INPP5A: variants seen among roughly 807,000 people sequenced by gnomAD.
INPP5A encodes the protein 43 kDa inositol polyphosphate 5-phophatase.
INPP5A carries 14 observed loss-of-function variants against 65.2 expected under a neutral mutation model. That is an observed-to-expected ratio of 0.21 (90% CI 0.14 to 0.34). The LOEUF (loss-of-function observed/expected upper bound fraction) is 0.34, where lower values mean the gene tolerates loss of function less well. Among genes scored for constraint, INPP5A ranks in the 10% least tolerant of loss-of-function variants. INPP5A has a pLI of 1.00. For missense variants in INPP5A, 431 were observed against 545.6 expected (o/e 0.79, Z 2.09); for synonymous variants, 207 against 208.3 (o/e 0.99, Z 0.05).
intron 6 of INPP5A, among the ~76,000 whole-genome samples, chr10:132,703,024 A>G (rs1845461530): frequency 6.6e-6 from 1 of 152,044 alleles, no homozygotes; most frequent in Non-Finnish European, 1.5e-5. Flanking sequence ...GAGCCCACAC[A>G]CCGGGGTTGG....
intron 9 of INPP5A, among the ~76,000 whole-genome samples, chr10:132,730,412 G>A (rs530164059): frequency 2.5e-4 from 38 of 152,356 alleles, no homozygotes; most frequent in African/African-American, 7.5e-4. Flanking sequence ...TGGGCAGCGC[G>A]GGAGGGGGCG....
intron 3 of INPP5A, among the ~76,000 whole-genome samples, chr10:132,646,760 ACTCTGTGGGCCGACGCCGCTGCCACG>A (rs1189211056): frequency 3.8e-4 from 58 of 152,016 alleles, no homozygotes; most frequent in East Asian, 2.1e-3. Flanking sequence ...AAGCTGCCAC[ACTCTGTGGGCCGACGCCGCTGCCACG>A]CTCTGTGGGC....
intron 6 of INPP5A, among the ~76,000 whole-genome samples, chr10:132,702,738 G>A (rs1258984934): frequency 1.3e-5 from 2 of 152,200 alleles, no homozygotes; most frequent in Non-Finnish European, 2.9e-5. Context: ...CACATGCCAC[G>A]GAGCACCTCT....
Position 132,682,726 on chromosome 10 carries a change from G to A in INPP5A, c.307-7666G>A, listed in dbSNP as rs115627814. Reference sequence around the variant, plus strand: ...TGTAAACTGTGTGTTATCCTATGTGGAAGGCACGTGTCTGCCATGACCCAG... The same window carrying A: ...TGTAAACTGTGTGTTATCCTATGTGAAAGGCACGTGTCTGCCATGACCCAG... On this transcript the variant is annotated intron_variant, in intron 4 of 15. Coordinates refer to ENST00000368594, the MANE Select transcript of INPP5A (RefSeq NM_005539.5). 2.8e-3 allele frequency among the ~76,000 whole-genome samples: 428 copies of A among 152,350 alleles called. 2 individuals are homozygous for A. The highest frequency in any genetic ancestry group is 0.01 in the African/African-American group (417 of 41,586).
chr10:132,712,453 G>T (rs1845657926), intron 8 of INPP5A, among the ~76,000 whole-genome samples: 1 of 151,682 alleles, frequency 6.6e-6, no homozygotes, highest in African/African-American at 2.4e-5. Flanking sequence ...GTGTGTGTGG[G>T]TGCATGTGTG....
chr10:132,596,907 ATG>A (rs1564928887), intron 1 of INPP5A, among the ~76,000 whole-genome samples: 81 of 57,974 alleles, frequency 1.4e-3, no homozygotes, highest in African/African-American at 3.4e-3. Flanking sequence ...GCTCCTGTGC[ATG>A]TGTGCATGTG....
chr10:132,730,199 C>G (rs936521341), intron 9 of INPP5A, among the ~76,000 whole-genome samples: 1 of 152,270 alleles, frequency 6.6e-6, no homozygotes, highest in Non-Finnish European at 1.5e-5. Context: ...GCGGGGCCCT[C>G]CCCACCACCT....
intron 4 of INPP5A, among the ~76,000 whole-genome samples, chr10:132,679,300 G>T (rs2073011488): frequency 6.6e-6 from 1 of 152,236 alleles, no homozygotes; most frequent in Non-Finnish European, 1.5e-5. Context: ...GTGGTTTCCA[G>T]TGGGAGCTGG....
chr10:132,638,781 T>C (rs1240864500), intron 2 of INPP5A, among the ~76,000 whole-genome samples: 2 of 152,130 alleles, frequency 1.3e-5, no homozygotes, highest in Non-Finnish European at 2.9e-5. Context: ...TTGGCCAGGC[T>C]GGTCTCGAAC....
chr10:132,694,922 A>G (rs2134494417), intron 5 of INPP5A, among the ~76,000 whole-genome samples: 1 of 152,350 alleles, frequency 6.6e-6, no homozygotes, highest in Non-Finnish European at 1.5e-5. Flanking sequence ...AAAGCATCAG[A>G]CCAAATGGTT....
At chr10:132,642,907 G>C (rs1164293626) in intron 2 of INPP5A, among the ~76,000 whole-genome samples, 1 of 152,160 alleles carries the variant, frequency 6.6e-6, no homozygotes, top group African/African-American at 2.4e-5. Flanking sequence ...TTGCCAGCTT[G>C]GGGAAACTGA....
chr10:132,742,858 T>C (rs572760703), intron 9 of INPP5A, among the ~76,000 whole-genome samples: 2 of 152,344 alleles, frequency 1.3e-5, no homozygotes, highest in African/African-American at 4.8e-5. Flanking sequence ...TGGCCCTTTA[T>C]TTAACCGCTG....
intron 4 of INPP5A, among the ~76,000 whole-genome samples, chr10:132,660,561 G>T (rs149249665): frequency 6.6e-6 from 1 of 152,214 alleles, no homozygotes; most frequent in African/African-American, 2.4e-5. Flanking sequence ...GATCTGGTGC[G>T]GTGAGGCACC....
rs116645121 is a variant in INPP5A at position 132,696,262 on chromosome 10, A to G, written c.371-1554A>G. On this transcript the variant is annotated intron_variant, in intron 5 of 15. Coordinates refer to ENST00000368594, the MANE Select transcript of INPP5A (RefSeq NM_005539.5). ...ACTGTCAAGGGCTCAGCTCTTCCCA[A>G]CTTCAGCTATAGATTCAACACAACC... Among the ~76,000 whole-genome samples the G allele has an allele frequency of 4.4e-3, 672 of 152,330 alleles. 3 individuals are homozygous for G. Among genetic ancestry groups the G allele is most frequent in the African/African-American group, 0.015 (644 of 41,584 alleles).
intron 11 of INPP5A, among the ~76,000 whole-genome samples, chr10:132,750,319 C>T (rs999823684): frequency 1.3e-5 from 2 of 152,186 alleles, no homozygotes; most frequent in Non-Finnish European, 2.9e-5. Flanking sequence ...CACGTGAGTG[C>T]GTATCTGCCT....
At chr10:132,765,603 C>T (rs918667859) in intron 11 of INPP5A, among the ~76,000 whole-genome samples, 170 bp from the exon 12 acceptor site, 1 of 152,184 alleles carries the variant, frequency 6.6e-6, no homozygotes, top group Non-Finnish European at 1.5e-5. Flanking sequence ...CAGAGGCAGG[C>T]GAACACCAGA....
rs1330967322 is a variant in INPP5A, at chr10:132,675,969, AT to A, written c.307-14418del. 2.0e-5 allele frequency among the ~76,000 whole-genome samples: 3 copies of A among 152,206 alleles called. No individual in the cohort carries two copies. Among genetic ancestry groups the A allele is most frequent in the African/African-American group, 7.2e-5 (3 of 41,438 alleles). ...ATGAAATGTAATTGAAAAGCTAATG[AT>A]TTTTAGAAGACAAAAGATAAGAGTC... On this transcript the variant is annotated intron_variant, in intron 4 of 15. Transcript: ENST00000368594. This position sits in a 1 kb window ranked among gnomAD's most constrained non-coding sequence, Gnocchi z 4.2.
chr10:132,742,459 G>A (rs1485779236), intron 9 of INPP5A, among the ~76,000 whole-genome samples: 1 of 152,168 alleles, frequency 6.6e-6, no homozygotes, highest in Non-Finnish European at 1.5e-5. Context: ...GAGCGAGAGG[G>A]CCACCCCCAG....
intron 4 of INPP5A, among the ~76,000 whole-genome samples, chr10:132,668,505 A>G (rs1260671603): frequency 6.6e-6 from 1 of 152,214 alleles, no homozygotes; most frequent in East Asian, 1.9e-4. Context: ...TATATAATAA[A>G]AAGTTAAGTG....
Sources: allele counts gnomAD v4.1 joint callset (sites outside exome capture counted in the v4.1 genomes callset), GRCh38; gene constraint gnomAD v4.1.1; non-coding constraint Gnocchi (gnomAD v3.1); transcripts MANE v1.5; gene names NCBI Gene and HGNC (gene_info 2026-07-23, HGNC 2026-07-21).